The following ATP13A1 variants were observed in gnomAD, a reference collection of about 807,000 sequenced individuals.
ATP13A1 encodes ATPase 13A1.
ATP13A1 carries 55 observed loss-of-function variants against 134.8 expected under a neutral mutation model. The ratio of observed to expected loss-of-function variants is 0.41; its 90% CI spans 0.33 to 0.51. ATP13A1 has a LOEUF of 0.51. Among genes scored for constraint, ATP13A1 ranks in the 20% least tolerant of loss-of-function variants. ATP13A1 has a pLI of 0.29. For synonymous variants in ATP13A1, 775 were observed against 725.1 expected (o/e 1.07, Z -1.10); for missense variants, 1,389 against 1,652.8 (o/e 0.84, Z 2.77).
In ATP13A1 at chr19:19,649,565, A is replaced by G. The variant is rs1568425951; in HGVS notation, c.2632+2T>C. ...CGAAATACCCTAGCCCACAGCACTC[A>G]CCCACGTCAGCATGCTTCAGGGCGC... On this transcript the variant is annotated splice_donor_variant, in intron 19 of 25. Coordinates refer to ENST00000357324, the MANE Select transcript of ATP13A1 (RefSeq NM_020410.3). LOFTEE classifies it high-confidence loss of function. 1 of 1,613,024 alleles carries G rather than the reference A, an allele frequency of 6.2e-7. No individual in the cohort carries two copies. Among genetic ancestry groups the G allele is most frequent in the Non-Finnish European group, 8.5e-7 (1 of 1,179,464 alleles).
chr19:19,651,990 T>C (rs1172771522), intron 16 of ATP13A1, among the ~76,000 whole-genome samples, 193 bp from the exon 17 acceptor site: 2 of 151,992 alleles, frequency 1.3e-5, no homozygotes, highest in Non-Finnish European at 2.9e-5. Context: ...GACACGTGTA[T>C]GTGCGTCCTT....
intron 3 of ATP13A1, among the ~76,000 whole-genome samples, chr19:19,659,327 G>A (rs951114273): frequency 2.0e-5 from 3 of 152,122 alleles, no homozygotes; most frequent in African/African-American, 7.2e-5. Context: ...GTGGTGGGGG[G>A]AGCCTGTATT....
At chr19:19,661,376 G>C (rs771488015) in intron 1 of ATP13A1, among the ~76,000 whole-genome samples, 18 of 152,140 alleles carry the variant, frequency 1.2e-4, no homozygotes, top group African/African-American at 2.4e-4. Flanking sequence ...CATGGGGCTC[G>C]ATCGTGCCTC....
Position 19,654,204 on chromosome 19 carries a change from T to C in ATP13A1, c.1814-60A>G, listed in dbSNP as rs779940555. ...TGCTCCAAAGAGGCAGCCAAGCCCC[T>C]ACCTCTCACCCCGGCCTCCCCCACC... On this transcript the variant is annotated intron_variant, in intron 13 of 25. Transcript: ENST00000357324. 13 of 1,489,356 alleles carry C rather than the reference T, an allele frequency of 8.7e-6. No homozygotes were observed. In the East Asian group the frequency reaches 1.2e-4, roughly 14 times the overall value. 92.3% of individuals were successfully genotyped at this position (1,489,356 alleles called of 1,614,324 possible).
rs1390126676 is a variant in ATP13A1, at chr19:19,654,542, C to T, written c.1813+1G>A. The T allele has an allele frequency of 6.2e-7, 1 of 1,604,042 alleles. No individual in the cohort carries two copies. Among genetic ancestry groups the T allele is most frequent in the South Asian group, 1.1e-5 (1 of 90,258 alleles). The stretch of plus-strand genomic sequence containing the variant: ...CTGGGCCTGAGGCCCCAGCCCCTCA[C>T]CTTTGGTCAGCGTCCAGTCCACGGC... On this transcript the variant is annotated splice_donor_variant, in intron 13 of 25. Transcript: ENST00000357324. LOFTEE classifies it high-confidence loss of function.
chr19:19,647,879 C>T lies in ATP13A1; in HGVS notation c.2633-120G>A. 7.7e-7 allele frequency: 1 copy of T among 1,299,432 alleles called. No individual in the cohort carries two copies. The highest frequency in any genetic ancestry group is 2.6e-5 in the Admixed American group (1 of 37,930). The allele number at this position is 1,299,432 out of a possible 1,614,324, so 80.5% of individuals were successfully genotyped here. On this transcript the variant is annotated intron_variant, in intron 19 of 25. Coordinates refer to ENST00000357324, the MANE Select transcript of ATP13A1 (RefSeq NM_020410.3). This position sits in a 1 kb window ranked among gnomAD's most constrained non-coding sequence, Gnocchi z 4.8. ...GGCTCCCGTGAGGACAGTTCCCAGA[C>T]TTCCCCATTTCACCTGACACCCTAA...
intron 1 of ATP13A1, chr19:19,661,974 C>T (rs1268624474): frequency 5.4e-6 from 8 of 1,486,388 alleles, no homozygotes; most frequent in Non-Finnish European, 7.3e-6. Flanking sequence ...AGATGGCACC[C>T]AGTAGTTGTT....
chr19:19,649,535 A>C, intron 19 of ATP13A1, 32 bp downstream of exon 19: 1 of 1,603,820 alleles, frequency 6.2e-7, no homozygotes, highest in Non-Finnish European at 8.5e-7. Context: ...CACCTCGTCC[A>C]CAAACGAAAT....
intron 4 of ATP13A1, 25 bp downstream of exon 4, chr19:19,657,311 A>G: frequency 6.4e-7 from 1 of 1,555,004 alleles, no homozygotes; most frequent in Non-Finnish European, 8.7e-7. Flanking sequence ...GGAAATGGGG[A>G]GATGGGCCAG....
intron 22 of ATP13A1, chr19:19,646,839 GTTGTT>G: frequency 8.3e-6 from 4 of 479,886 alleles, no homozygotes; most frequent in Non-Finnish European, 1.5e-5. Context: ...GACCCACTTA[GTTGTT>G]TTTTTACCCT....
intron 17 of ATP13A1, chr19:19,651,445 C>G (rs1040274229): frequency 5.0e-6 from 2 of 399,340 alleles, no homozygotes; most frequent in African/African-American, 4.1e-5. Context: ...CCCGAGCTGG[C>G]AGTCAGACTA....
intron 3 of ATP13A1, among the ~76,000 whole-genome samples, chr19:19,658,825 G>A (rs2062076437): frequency 6.6e-6 from 1 of 152,180 alleles, no homozygotes; most frequent in Non-Finnish European, 1.5e-5. Flanking sequence ...TGTTTAGGTT[G>A]GGTGCAGTGA....
chr19:19,648,804 T>C (rs2062004201), intron 19 of ATP13A1, among the ~76,000 whole-genome samples: 1 of 56,954 alleles, frequency 1.8e-5, no homozygotes, highest in Admixed American at 2.1e-4. Context: ...AGAGAAACTG[T>C]CTCAAAAAAA....
chr19:19,658,367 C>A (rs1260611605), intron 3 of ATP13A1, among the ~76,000 whole-genome samples: 1 of 152,052 alleles, frequency 6.6e-6, no homozygotes, highest in Non-Finnish European at 1.5e-5. Flanking sequence ...AACAATAAGC[C>A]CTTCCCTTGT....
rs771553707 is a variant in ATP13A1 at position 19,655,077 on chromosome 19, C to T, written c.1655+42G>A. 5 of 1,610,226 alleles carry T rather than the reference C, an allele frequency of 3.1e-6. No individual in the cohort carries two copies. In the Admixed American group the frequency reaches 8.4e-5, roughly 27 times the overall value. On this transcript the variant is annotated intron_variant, in intron 12 of 25. Coordinates refer to ENST00000357324, the MANE Select transcript of ATP13A1 (RefSeq NM_020410.3). The surrounding 1 kb of genome is among the most constrained non-coding windows in gnomAD (Gnocchi z 5.7). ...CACCTGTCTCTCGACTTCCCAGAAACCCCATCTGGGTGACCTTTGCTGCAG... is the reference window on the plus strand; with the variant it reads ...CACCTGTCTCTCGACTTCCCAGAAATCCCATCTGGGTGACCTTTGCTGCAG...
In ATP13A1 at chr19:19,660,875, T is replaced by G. The variant is rs1226973395; in HGVS notation, c.397-888A>C. Among the ~76,000 whole-genome samples the G allele has an allele frequency of 2.6e-5, 4 of 150,986 alleles. No individual in the cohort carries two copies. The South Asian group carries it at 8.3e-4, about 31-fold the overall frequency. On this transcript the variant is annotated intron_variant, in intron 1 of 25. Coordinates refer to ENST00000357324, the MANE Select transcript of ATP13A1 (RefSeq NM_020410.3). ...CAGGGGGGATCACGAGGTCAGGAGTTTGAGACCAGCCTGGCCAATATGGTG... is the reference window on the plus strand; with the variant it reads ...CAGGGGGGATCACGAGGTCAGGAGTGTGAGACCAGCCTGGCCAATATGGTG...
Position 19,645,316 on chromosome 19 carries a change from T to G in ATP13A1, c.*106A>C. 1 of 1,289,826 alleles carries G rather than the reference T, an allele frequency of 7.8e-7. No individual in the cohort carries two copies. Among genetic ancestry groups the G allele is most frequent in the Non-Finnish European group, 1.1e-6 (1 of 923,490 alleles). 79.9% of individuals were successfully genotyped at this position (1,289,826 alleles called of 1,614,324 possible). A position where few individuals can be genotyped will look rare whatever the true frequency, so the allele number is the denominator to read the frequency against. On this transcript the variant is annotated 3_prime_UTR_variant, in exon 26 of 26. Transcript: ENST00000357324. The surrounding 1 kb of genome is among the most constrained non-coding windows in gnomAD (Gnocchi z 4.1). ...GCTCAGTCTTCCAAGGGCGAGACTG[T>G]ACAGCCTTGCTGTGGGGGGTTGGGG...
chr19:19,648,094 G>C (rs949644446), intron 19 of ATP13A1, among the ~76,000 whole-genome samples: 1 of 152,114 alleles, frequency 6.6e-6, no homozygotes, highest in Non-Finnish European at 1.5e-5. Flanking sequence ...TGAGGTGGGC[G>C]GATCACCTGA....
Position 19,656,746 on chromosome 19 carries a change from G to A in ATP13A1, c.997C>T (p.Leu333=), listed in dbSNP as rs2062060956. The A allele has an allele frequency of 6.2e-7, 1 of 1,613,756 alleles. No homozygotes were observed. The highest frequency in any genetic ancestry group is 8.5e-7 in the Non-Finnish European group (1 of 1,179,870). Residue 333 remains leucine (L), a synonymous_variant, in exon 7 of 26, where the codon CTG becomes TTG. Coordinates refer to ENST00000357324, the MANE Select transcript of ATP13A1 (RefSeq NM_020410.3). The surrounding 1 kb of genome is among the most constrained non-coding windows in gnomAD (Gnocchi z 4.6). ...AGCAGAAGCACGTCACATGGCACCA[G>A]GTTCTCCTGTGGGGAGCGGCCTGCA... ...VSIGRSPQEN[L]VPCDVLLLRG...
Sources: allele counts gnomAD v4.1 joint callset (sites outside exome capture counted in the v4.1 genomes callset), GRCh38; gene constraint gnomAD v4.1.1; non-coding constraint Gnocchi (gnomAD v3.1); transcripts MANE v1.5; gene names NCBI Gene and HGNC (gene_info 2026-07-23, HGNC 2026-07-21).